RECK: variants seen among roughly 807,000 people sequenced by gnomAD.
RECK encodes reversion inducing cysteine rich protein with kazal motifs.
In RECK, 69 loss-of-function variants were observed where a neutral mutation model predicts 115.1. The observed-to-expected ratio is 0.60, with a 90% CI of 0.49 to 0.73. RECK has a LOEUF of 0.73. RECK is among the 30% of genes least tolerant of loss of function. The probability of loss-of-function intolerance (pLI) is 0.00; values close to 1 mark genes in which losing one functional copy is unlikely to be tolerated. For missense variants in RECK, 1,047 were observed against 1,203.7 expected, an observed-to-expected ratio of 0.87 and a Z score of 1.93; for synonymous variants, 414 against 419.7, an observed-to-expected ratio of 0.99 and a Z score of 0.17.
At chr9:36,091,077 T>C in intron 9 of RECK, 87 bp from the exon 10 acceptor site, 3 of 1,260,896 alleles carry the variant, frequency 2.4e-6, no homozygotes, top group Non-Finnish European at 2.3e-6. Flanking sequence ...TTCCAAAGTA[T>C]ATAGTTCATA....
At chr9:36,066,672 G>C in intron 6 of RECK, 2 of 490,224 alleles carry the variant, frequency 4.1e-6, no homozygotes, top group Non-Finnish European at 6.2e-6. Context: ...CTCTATCTTT[G>C]AAATAACCAG....
chr9:36,091,975 C>T (rs1209178549), intron 10 of RECK, among the ~76,000 whole-genome samples: 1 of 152,076 alleles, frequency 6.6e-6, no homozygotes, highest in East Asian at 1.9e-4. Context: ...TAAGTTACAA[C>T]CCAGAAATAA....
At chr9:36,093,180 G>A (rs543406273) in intron 10 of RECK, among the ~76,000 whole-genome samples, 69 of 152,308 alleles carry the variant, frequency 4.5e-4, no homozygotes, top group Non-Finnish European at 9.1e-4. Flanking sequence ...GCCTCCAGAG[G>A]AAGGAGGTAT....
intron 8 of RECK, 48 bp downstream of exon 8, chr9:36,083,610 G>T: frequency 6.4e-7 from 1 of 1,567,462 alleles, no homozygotes. Context: ...TGGTAAAATC[G>T]TTTGTAAAAA....
At chr9:36,089,625 A>C (rs1033808023) in intron 9 of RECK, among the ~76,000 whole-genome samples, 1 of 152,186 alleles carries the variant, frequency 6.6e-6, no homozygotes, top group Non-Finnish European at 1.5e-5. Flanking sequence ...AATGCAGTCA[A>C]AACTTTGTAT....
At chr9:36,038,701 A>G (rs1294168200) in intron 1 of RECK, among the ~76,000 whole-genome samples, 1 of 152,226 alleles carries the variant, frequency 6.6e-6, no homozygotes, top group Non-Finnish European at 1.5e-5. Context: ...TTAGCTATTA[A>G]GTATGTTCGG....
intron 13 of RECK, among the ~76,000 whole-genome samples, chr9:36,106,634 G>T (rs906852862): frequency 6.6e-6 from 1 of 151,906 alleles, no homozygotes; most frequent in Non-Finnish European, 1.5e-5. Context: ...TAATATATCG[G>T]CTATAGAGTC....
At chr9:36,068,100 G>T (rs1232325833) in intron 6 of RECK, among the ~76,000 whole-genome samples, 1 of 152,100 alleles carries the variant, frequency 6.6e-6, no homozygotes, top group African/African-American at 2.4e-5. Flanking sequence ...TGAAGATTCT[G>T]TAAAAGGAGA....
intron 16 of RECK, among the ~76,000 whole-genome samples, chr9:36,116,192 G>A (rs1029658797): frequency 3.4e-5 from 5 of 148,206 alleles, no homozygotes; most frequent in South Asian, 2.1e-4. Flanking sequence ...GCAATGGCGC[G>A]ATATCAGCTC....
At chr9:36,062,952 T>C (rs1223512620) in intron 4 of RECK, among the ~76,000 whole-genome samples, 2 of 151,954 alleles carry the variant, frequency 1.3e-5, no homozygotes, top group African/African-American at 4.8e-5. Context: ...CTGGTCAACA[T>C]GGTGAAATCC....
At chr9:36,122,671 T>A (rs967069915) in intron 20 of RECK, among the ~76,000 whole-genome samples, 153 bp from the exon 21 acceptor site, 4 of 152,202 alleles carry the variant, frequency 2.6e-5, no homozygotes, top group African/African-American at 9.7e-5. Flanking sequence ...AAAACTATAA[T>A]AAAATGTTAC....
chr9:36,094,753 T>G lies in RECK; in HGVS notation c.1085+3410T>G, dbSNP rs1053220430. On this transcript the variant is annotated intron_variant, in intron 10 of 20. Coordinates refer to ENST00000377966, the MANE Select transcript of RECK (RefSeq NM_021111.3). The surrounding 1 kb of genome is among the most constrained non-coding windows in gnomAD (Gnocchi z 4.1). Reference sequence around the variant, plus strand: ...TGAAGATACAATTAACCTAGATATATATGCACCTAATGTCAGATAGATGCA... The same window carrying G: ...TGAAGATACAATTAACCTAGATATAGATGCACCTAATGTCAGATAGATGCA... Among the ~76,000 whole-genome samples, 14 of 152,306 alleles carry G rather than the reference T, an allele frequency of 9.2e-5. No homozygotes were observed. Among genetic ancestry groups the G allele is most frequent in the Admixed American group, 8.5e-4 (13 of 15,290 alleles).
intron 9 of RECK, among the ~76,000 whole-genome samples, chr9:36,090,608 A>G (rs570319828): frequency 6.6e-6 from 1 of 152,326 alleles, no homozygotes; most frequent in East Asian, 1.9e-4. Flanking sequence ...ATTGAGTACT[A>G]AAAATAAGAA....
chr9:36,042,726 A>C (rs191078371), intron 1 of RECK, among the ~76,000 whole-genome samples: 4 of 152,194 alleles, frequency 2.6e-5, no homozygotes, highest in Admixed American at 6.5e-5. Context: ...TGGTAGATCT[A>C]CTTTTAGTTC....
At chr9:36,056,218 T>C (rs1821517981) in intron 2 of RECK, among the ~76,000 whole-genome samples, 1 of 151,008 alleles carries the variant, frequency 6.6e-6, no homozygotes, top group Admixed American at 6.6e-5. Flanking sequence ...AGCTTCAGTT[T>C]GGAGCTACAA....
chr9:36,061,393 TACACACACACACACACAC>T (rs58265948), intron 4 of RECK, among the ~76,000 whole-genome samples: 25 of 129,120 alleles, frequency 1.9e-4, no homozygotes, highest in African/African-American at 5.6e-4. Flanking sequence ...TGTAATTTTC[TACACACACACACACACAC>T]ACACACACAC....
chr9:36,116,182 G>A (rs977448606), intron 16 of RECK, among the ~76,000 whole-genome samples: 2 of 147,314 alleles, frequency 1.4e-5, no homozygotes, highest in African/African-American at 5.1e-5. Context: ...AGGCTGGGGT[G>A]CAATGGCGCG....
chr9:36,108,064 T>C lies in RECK; in HGVS notation c.1665T>C (p.Tyr555=), dbSNP rs41277085. 4,405 of 1,614,044 alleles carry C rather than the reference T, an allele frequency of 2.7e-3. 13 individuals carry two copies. Among genetic ancestry groups the C allele is most frequent in the Admixed American group, 3.0e-3 (183 of 60,034 alleles). Residue 555 remains tyrosine (Y), a synonymous_variant, in exon 14 of 21, where the codon TAT becomes TAC. Coordinates refer to ENST00000377966, the MANE Select transcript of RECK (RefSeq NM_021111.3). Reference sequence around the variant, plus strand: ...CATCTGCAGGGGAAGTTGGTTGTTATAAAATCTGTTCATGTGGACAAAGTG... The same window carrying C: ...CATCTGCAGGGGAAGTTGGTTGTTACAAAATCTGTTCATGTGGACAAAGTG... ...VPSSAGEVGC[Y]KICSCGQSGL...
At chr9:36,041,620 C>G (rs1353147958) in intron 1 of RECK, among the ~76,000 whole-genome samples, 3 of 152,146 alleles carry the variant, frequency 2.0e-5, no homozygotes, top group African/African-American at 7.2e-5. Flanking sequence ...ACATCTCTAC[C>G]TCAGGGACTG....
Sources: allele counts gnomAD v4.1 joint callset (sites outside exome capture counted in the v4.1 genomes callset), GRCh38; gene constraint gnomAD v4.1.1; non-coding constraint Gnocchi (gnomAD v3.1); transcripts MANE v1.5; gene names NCBI Gene and HGNC (gene_info 2026-07-23, HGNC 2026-07-21).